Variants in SPECC1L observed in about 807,000 individuals in gnomAD.
The protein encoded by SPECC1L is sperm antigen with calponin homology and coiled-coil domains 1 like, also known as cytospin-A.
In SPECC1L, 40 loss-of-function variants were observed where a neutral mutation model predicts 116.8. That is an observed-to-expected ratio of 0.34 (90% CI 0.27 to 0.45). SPECC1L has a LOEUF of 0.45. Among genes scored for constraint, SPECC1L ranks in the 20% least tolerant of loss-of-function variants. The pLI is 1.00. For missense variants in SPECC1L, 1,110 were observed against 1,373.6 expected (o/e 0.81, Z 3.03); for synonymous variants, 504 against 500.6 (o/e 1.01, Z -0.09).
intron 1 of SPECC1L, among the ~76,000 whole-genome samples, chr22:24,274,492 AG>A (rs1408435891): frequency 6.6e-6 from 1 of 152,224 alleles, no homozygotes; most frequent in African/African-American, 2.4e-5. Context: ...TCAGAATAGT[AG>A]TTTTTACATT....
intron 10 of SPECC1L, among the ~76,000 whole-genome samples, chr22:24,339,785 C>CT (rs796169418): frequency 0.023 from 2,146 of 91,986 alleles, 25 homozygotes; most frequent in East Asian, 0.078. Context: ...ATGTTATGTC[C>CT]TTTTTTTTTT....
At chr22:24,278,834 C>G (rs1488765422) in intron 2 of SPECC1L, among the ~76,000 whole-genome samples, 3 of 152,134 alleles carry the variant, frequency 2.0e-5, no homozygotes, top group Non-Finnish European at 4.4e-5. Context: ...GAAACACCAT[C>G]GTAAAATGTA....
rs541226082 is a variant in SPECC1L at position 24,274,553 on chromosome 22, A to G, written c.-141-2147A>G. ...GCCACTTCTGAGTTCTCTATTTTCA[A>G]AGAATAATTTGGTATTCCATAAAGG... On this transcript the variant is annotated intron_variant, in intron 1 of 16. Transcript: ENST00000314328. Among the ~76,000 whole-genome samples the G allele has an allele frequency of 4.7e-4, 71 of 152,328 alleles. No individual in the cohort carries two copies. The South Asian group carries it at 0.013, about 28-fold the overall frequency.
At chr22:24,307,559 ATCTTT>A (rs1270518453) in intron 3 of SPECC1L, among the ~76,000 whole-genome samples, 4 of 151,610 alleles carry the variant, frequency 2.6e-5, no homozygotes, top group African/African-American at 9.7e-5. Context: ...CAATTTATTA[ATCTTT>A]TCTTTATGGG....
At chr22:24,381,030 T>C (rs1262807604) in intron 14 of SPECC1L, among the ~76,000 whole-genome samples, 1 of 152,244 alleles carries the variant, frequency 6.6e-6, no homozygotes, top group African/African-American at 2.4e-5. Context: ...CAACCACTTT[T>C]AATTTTTTTA....
chr22:24,365,298 G>A (rs2041736734), intron 12 of SPECC1L, among the ~76,000 whole-genome samples, 178 bp from the exon 13 acceptor site: 1 of 152,070 alleles, frequency 6.6e-6, no homozygotes, highest in Non-Finnish European at 1.5e-5. Flanking sequence ...GTGAGCCACT[G>A]CACCTGGCCT....
rs1399503252 is a variant in SPECC1L, at chr22:24,417,449, GCA to G, written c.*2829_*2830del. 1.3e-5 allele frequency: 2 copies of G among 152,384 alleles called. No individual in the cohort carries two copies. The highest frequency in any genetic ancestry group is 2.1e-4 in the South Asian group (1 of 4,828). The allele number at this position is 152,384 out of a possible 1,614,324, so 9.4% of individuals were successfully genotyped here. On this transcript the variant is annotated 3_prime_UTR_variant, in exon 17 of 17. Coordinates refer to ENST00000314328, the MANE Select transcript of SPECC1L (RefSeq NM_015330.6). Reference sequence around the variant, plus strand: ...CCAGGGTGGCCTCCCCTGGGCCACAGCACATCACCGTGTGGCCTGGGGCTGTG... The same window carrying G: ...CCAGGGTGGCCTCCCCTGGGCCACAGCATCACCGTGTGGCCTGGGGCTGTG...
intron 14 of SPECC1L, among the ~76,000 whole-genome samples, chr22:24,387,736 A>G (rs2042187356): frequency 6.6e-6 from 1 of 152,228 alleles, no homozygotes; most frequent in Non-Finnish European, 1.5e-5. Flanking sequence ...TATTGAAATT[A>G]CTACAAATGT....
chr22:24,315,031 G>T (rs1381814798), intron 4 of SPECC1L, among the ~76,000 whole-genome samples: 1 of 152,184 alleles, frequency 6.6e-6, no homozygotes, highest in Non-Finnish European at 1.5e-5. Flanking sequence ...TATAGAAAAA[G>T]AACTTTAAAA....
chr22:24,314,677 T>C (rs1467543960), intron 4 of SPECC1L, among the ~76,000 whole-genome samples: 1 of 152,236 alleles, frequency 6.6e-6, no homozygotes, highest in Non-Finnish European at 1.5e-5. Flanking sequence ...ACCCCCATGA[T>C]GTTTTTGCCC....
At chr22:24,392,343 C>A (rs995319646) in intron 14 of SPECC1L, among the ~76,000 whole-genome samples, 2 of 152,260 alleles carry the variant, frequency 1.3e-5, no homozygotes, top group African/African-American at 4.8e-5. Context: ...AAATAACAGG[C>A]ACAGTTCTTG....
chr22:24,414,033 C>T (rs954862506), intron 16 of SPECC1L, among the ~76,000 whole-genome samples: 7 of 152,204 alleles, frequency 4.6e-5, no homozygotes, highest in African/African-American at 7.2e-5. Flanking sequence ...ATCAGTTCAC[C>T]GGTCACAGGT....
chr22:24,358,254 A>G (rs2041572209), intron 11 of SPECC1L, among the ~76,000 whole-genome samples: 1 of 151,592 alleles, frequency 6.6e-6, no homozygotes, highest in South Asian at 2.1e-4. Context: ...AGCTAGGGCT[A>G]CAGGTGTGCA....
intron 2 of SPECC1L, among the ~76,000 whole-genome samples, chr22:24,281,280 AATTATCAGTCCT>A (rs1317048998): frequency 6.6e-6 from 1 of 152,192 alleles, no homozygotes; most frequent in Non-Finnish European, 1.5e-5. Flanking sequence ...TACCTTCAAC[AATTATCAGTCCT>A]AGGTCCTTTG....
Position 24,322,124 on chromosome 22 carries a change from A to G in SPECC1L, c.1144A>G (p.Lys382Glu). Residue 382 changes from lysine to glutamate, a missense_variant, in exon 5 of 17, where the codon AAG becomes GAG. Physicochemically the swap from Lys to Glu is moderately conservative, Grantham distance 56. This residue lies in a region of SPECC1L where 437 missense variants were observed against 482.6 expected (regional missense o/e 0.91). Transcript: ENST00000314328. ...CATCCCCAGCATAGAGCGCTCCCGGAAGGGGAGCAGCGGGAATGCCAGTGA... is the reference window on the plus strand; with the variant it reads ...CATCCCCAGCATAGAGCGCTCCCGGGAGGGGAGCAGCGGGAATGCCAGTGA... ...EGIPSIERSRKGSSGNASEVS... is the reference protein window; with the variant it reads ...EGIPSIERSREGSSGNASEVS... The G allele has an allele frequency of 6.2e-7, 1 of 1,614,022 alleles. No individual in the cohort carries two copies. The highest frequency in any genetic ancestry group is 8.5e-7 in the Non-Finnish European group (1 of 1,180,018).
In SPECC1L at chr22:24,301,719, A is replaced by T. The variant is rs150140245; in HGVS notation, c.-37-476A>T. Among the ~76,000 whole-genome samples, 400 of 152,268 alleles carry T rather than the reference A, an allele frequency of 2.6e-3. 2 individuals carry two copies. The highest frequency in any genetic ancestry group is 9.0e-3 in the African/African-American group (372 of 41,552). ...GTTTAAAAATAGTAAGTCAGGGGTC[A>T]TCTGTGTATTGTTTTCAAGGTTCAC... is the stretch of plus-strand genomic sequence containing the variant. On this transcript the variant is annotated intron_variant, in intron 2 of 16. Coordinates refer to ENST00000314328, the MANE Select transcript of SPECC1L (RefSeq NM_015330.6).
chr22:24,277,651 T>G (rs1302687444), intron 2 of SPECC1L, among the ~76,000 whole-genome samples: 1 of 152,254 alleles, frequency 6.6e-6, no homozygotes, highest in Non-Finnish European at 1.5e-5. Flanking sequence ...TTGTTTGGCT[T>G]TTTTCATTTA....
chr22:24,388,679 T>C (rs1172200698), intron 14 of SPECC1L, among the ~76,000 whole-genome samples: 1 of 152,218 alleles, frequency 6.6e-6, no homozygotes, highest in Admixed American at 6.5e-5. Context: ...CCACAATGGT[T>C]GAACTAGTTT....
intron 2 of SPECC1L, among the ~76,000 whole-genome samples, chr22:24,281,024 G>C (rs994274731): frequency 6.6e-6 from 1 of 152,208 alleles, no homozygotes. Context: ...AGAGGAACAG[G>C]AAGCAGAGAG....
Sources: gnomAD v4.1 joint callset for allele counts (sites outside exome capture counted in the v4.1 genomes callset) on GRCh38, gnomAD v4.1.1 for gene constraint, gnomAD v4.1.1 regional missense constraint, MANE v1.5 for transcripts, NCBI Gene and HGNC (gene_info 2026-07-23, HGNC 2026-07-21) for gene names.